SGCZ: variants seen among roughly 807,000 people sequenced by gnomAD.
SGCZ encodes the protein zeta-sarcoglycan.
In SGCZ, 40 loss-of-function variants were observed where a neutral mutation model predicts 41.3. That is an observed-to-expected ratio of 0.97 (90% CI 0.75 to 1.26). SGCZ has a LOEUF of 1.26. Ranked by LOEUF, SGCZ falls within the 50% of genes most tolerant of loss-of-function variation. The pLI is 0.00. For missense variants in SGCZ, 552 were observed against 369.8 expected, an observed-to-expected ratio of 1.49 and a Z score of -4.04; for synonymous variants, 206 against 137.5, an observed-to-expected ratio of 1.50 and a Z score of -3.49.
At chr8:14,788,249 T>C (rs1010452107) in intron 1 of SGCZ, among the ~76,000 whole-genome samples, 1 of 152,218 alleles carries the variant, frequency 6.6e-6, no homozygotes. Flanking sequence ...ATAGGGTGTC[T>C]GTTCCATGCT....
intron 2 of SGCZ, among the ~76,000 whole-genome samples, chr8:14,351,303 T>C (rs985723493): frequency 6.6e-6 from 1 of 152,224 alleles, no homozygotes; most frequent in East Asian, 1.9e-4. Flanking sequence ...ATTATTTTAC[T>C]CCTTTGCATT....
At chr8:14,106,524 G>C (rs1256322282) in intron 6 of SGCZ, among the ~76,000 whole-genome samples, 7 of 152,122 alleles carry the variant, frequency 4.6e-5, no homozygotes, top group Admixed American at 4.6e-4. Flanking sequence ...GTGAGAAACT[G>C]AGTTGTTTAG....
intron 1 of SGCZ, among the ~76,000 whole-genome samples, chr8:14,577,380 A>G (rs1350873347): frequency 6.8e-6 from 1 of 146,818 alleles, no homozygotes; most frequent in Non-Finnish European, 1.5e-5. Flanking sequence ...GAAAAGAAAT[A>G]TATCTTTTTT....
chr8:14,207,652 G>A (rs1805661892), intron 4 of SGCZ, among the ~76,000 whole-genome samples: 1 of 151,778 alleles, frequency 6.6e-6, no homozygotes. Context: ...GTGCTCTATT[G>A]TTAAATGAAA....
chr8:14,189,031 G>C (rs370481155), intron 4 of SGCZ, among the ~76,000 whole-genome samples: 8 of 66,792 alleles, frequency 1.2e-4, no homozygotes, highest in Non-Finnish European at 3.1e-5. Context: ...TTTTTTTTTT[G>C]TATTTTTAGT....
chr8:14,215,569 T>G (rs577408379), intron 4 of SGCZ, among the ~76,000 whole-genome samples: 1 of 151,414 alleles, frequency 6.6e-6, no homozygotes, highest in South Asian at 2.1e-4. Flanking sequence ...AAAAGCTAAT[T>G]GTTTGAAAAA....
intron 1 of SGCZ, among the ~76,000 whole-genome samples, chr8:15,117,284 G>C (rs933838922): frequency 1.3e-5 from 2 of 151,554 alleles, no homozygotes; most frequent in African/African-American, 2.4e-5. Context: ...GCGTGAACCT[G>C]GGAGGGGGAG....
chr8:15,026,981 G>A (rs560616867), intron 1 of SGCZ, among the ~76,000 whole-genome samples: 60 of 152,242 alleles, frequency 3.9e-4, no homozygotes, highest in African/African-American at 1.4e-3. Context: ...ACTTCCAACA[G>A]ACAATGGTTC....
At chr8:14,466,821 T>G (rs1319721227) in intron 2 of SGCZ, among the ~76,000 whole-genome samples, 2 of 151,836 alleles carry the variant, frequency 1.3e-5, no homozygotes, top group Non-Finnish European at 2.9e-5. Context: ...GTTTCTATAT[T>G]TTATTAATAT....
intron 2 of SGCZ, among the ~76,000 whole-genome samples, chr8:14,397,636 G>A (rs1395677180): frequency 1.3e-5 from 2 of 152,022 alleles, no homozygotes; most frequent in Admixed American, 6.6e-5. Flanking sequence ...AAGTCAGGCA[G>A]CGATGAGCCT....
At chr8:14,666,360 C>G (rs573395683) in intron 1 of SGCZ, among the ~76,000 whole-genome samples, 1 of 152,256 alleles carries the variant, frequency 6.6e-6, no homozygotes, top group East Asian at 1.9e-4. Flanking sequence ...CATGCAAGGT[C>G]TTTAAAAATC....
intron 1 of SGCZ, among the ~76,000 whole-genome samples, chr8:15,004,873 T>TTCTTTAATATA (rs59114901): frequency 1.3e-5 from 2 of 151,504 alleles, no homozygotes; most frequent in African/African-American, 4.9e-5. Context: ...AACTGACGGG[T>TTCTTTAATATA]TCTTTGTGTG....
chr8:14,419,194 A>G (rs1799574897), intron 2 of SGCZ, among the ~76,000 whole-genome samples: 1 of 151,960 alleles, frequency 6.6e-6, no homozygotes. Flanking sequence ...TACTCAATTC[A>G]GAAGCTAAAA....
intron 1 of SGCZ, among the ~76,000 whole-genome samples, chr8:15,186,574 A>G (rs1031996596): frequency 3.3e-5 from 5 of 152,162 alleles, no homozygotes; most frequent in African/African-American, 9.6e-5. Flanking sequence ...AATAATATCT[A>G]TTTGTTGATT....
At chr8:14,555,522 C>G (rs7815229) in intron 1 of SGCZ, among the ~76,000 whole-genome samples, 1 of 151,874 alleles carries the variant, frequency 6.6e-6, no homozygotes, top group Middle Eastern at 3.2e-3. Flanking sequence ...CTGAGGCCTC[C>G]CCAGAAGCAA....
intron 4 of SGCZ, among the ~76,000 whole-genome samples, chr8:14,203,572 T>A (rs1160128970): frequency 1.3e-5 from 2 of 152,128 alleles, no homozygotes; most frequent in Non-Finnish European, 2.9e-5. Context: ...CTTGCCAGAG[T>A]TTGAGTATTT....
intron 3 of SGCZ, among the ~76,000 whole-genome samples, chr8:14,295,476 T>C (rs900961729): frequency 2.0e-5 from 3 of 152,172 alleles, no homozygotes; most frequent in Non-Finnish European, 4.4e-5. Flanking sequence ...TCATTCCTTT[T>C]AAAAATAATC....
chr8:14,998,962 T>G (rs936886192), intron 1 of SGCZ, among the ~76,000 whole-genome samples: 17 of 152,194 alleles, frequency 1.1e-4, no homozygotes, highest in Admixed American at 1.1e-3. Flanking sequence ...AAGCAGGAAT[T>G]TAGCTACTTC....
chr8:14,367,509 GC>G (rs1338746102), intron 2 of SGCZ, among the ~76,000 whole-genome samples: 2 of 151,974 alleles, frequency 1.3e-5, no homozygotes, highest in Non-Finnish European at 2.9e-5. Context: ...CCAAAACTAG[GC>G]ATGTTATAAA....
Sources: gnomAD v4.1 joint callset for allele counts (sites outside exome capture counted in the v4.1 genomes callset) on GRCh38, gnomAD v4.1.1 for gene constraint, MANE v1.5 for transcripts, NCBI Gene and HGNC (gene_info 2026-07-23, HGNC 2026-07-21) for gene names.